PPIL2: variants seen among roughly 807,000 people sequenced by gnomAD.
The protein encoded by PPIL2 is peptidylprolyl isomerase like 2, also known as RING-type E3 ubiquitin-protein ligase PPIL2.
A neutral mutation model predicts 75.2 loss-of-function variants in PPIL2; 50 were observed. That is an observed-to-expected ratio of 0.66 (90% CI 0.53 to 0.84). The LOEUF is 0.84. Ranked by LOEUF, PPIL2 falls within the 40% of genes least tolerant of loss-of-function variation. The pLI, the probability that PPIL2 is intolerant of heterozygous loss-of-function variation, is 0.00. For synonymous variants in PPIL2, 245 were observed against 258.8 expected (o/e 0.95, Z 0.51); for missense variants, 590 against 685.0 (o/e 0.86, Z 1.55).
chr22:21,698,834 CA>C (rs2068032955), downstream of PPIL2: 1 of 152,462 alleles, frequency 6.6e-6, no homozygotes, highest in African/African-American at 2.4e-5. Context: ...CTCAGGAGGA[CA>C]GGATGTGCTG....
intron 18 of PPIL2, 60 bp downstream of exon 18, chr22:21,694,877 A>G: frequency 6.3e-7 from 1 of 1,593,742 alleles, no homozygotes; most frequent in Non-Finnish European, 8.6e-7. Context: ...TTCCACCCCA[A>G]GCCTAGCATC....
At chr22:21,687,936 C>G (rs541543558) in intron 13 of PPIL2, 137 bp from the exon 14 acceptor site, 195 of 1,219,668 alleles carry the variant, frequency 1.6e-4, no homozygotes, top group Non-Finnish European at 2.3e-4. Flanking sequence ...AGGGAGGTGG[C>G]TGGGAGGGCC....
At chr22:21,684,593 A>AGACT (rs775601275) in intron 9 of PPIL2, among the ~76,000 whole-genome samples, 160 bp from the exon 10 acceptor site, 15 of 152,032 alleles carry the variant, frequency 9.9e-5, no homozygotes, top group Non-Finnish European at 1.8e-4. Context: ...GGAGACCTTC[A>AGACT]GGCCTGTAGC....
intron 5 of PPIL2, 105 bp downstream of exon 5, chr22:21,672,486 G>T: frequency 8.6e-7 from 1 of 1,166,468 alleles, no homozygotes. Context: ...GGAGAGAACC[G>T]TTCATGGGGC....
intron 1 of PPIL2, 91 bp downstream of exon 1, chr22:21,666,222 T>C: frequency 2.8e-6 from 4 of 1,426,236 alleles, no homozygotes; most frequent in Non-Finnish European, 2.9e-6. Flanking sequence ...CCCTCTCAGC[T>C]ACTCCCCAGA....
In PPIL2 at chr22:21,694,602, G is replaced by C. The variant is rs950998935; in HGVS notation, c.1206G>C (p.Gly402=). Residue 402 remains glycine, a synonymous_variant, in exon 17 of 20, where the codon GGG becomes GGC. Coordinates refer to ENST00000398831, the MANE Select transcript of PPIL2 (RefSeq NM_014337.4). ...KKHTIFGRVV[G]GFDVLTAMEN... is the part of the protein sequence containing the mutation. ...TGTCTCCCTGCTGCAGGGTTGTTGG[G>C]GGCTTTGACGTACTGACAGCCATGG... The C allele has an allele frequency of 6.2e-7, 1 of 1,613,970 alleles. No homozygotes were observed. The highest frequency in any genetic ancestry group is 1.7e-5 in the Admixed American group (1 of 60,002).
chr22:21,688,036 C>CAT (rs2067449891), intron 13 of PPIL2, 37 bp from the exon 14 acceptor site: 2 of 1,614,070 alleles, frequency 1.2e-6, no homozygotes, highest in Non-Finnish European at 8.5e-7. Context: ...CCTCGGGTCT[C>CAT]AGAGTGTGAC....
intron 19 of PPIL2, 101 bp downstream of exon 19, chr22:21,695,171 T>C: frequency 6.9e-7 from 1 of 1,443,038 alleles, no homozygotes; most frequent in South Asian, 1.4e-5. Context: ...CTATGGGCAC[T>C]GGTCCCGGCC....
chr22:21,693,894 A>G (rs747392720), intron 16 of PPIL2, 22 bp downstream of exon 16: 2 of 1,527,606 alleles, frequency 1.3e-6, no homozygotes, highest in East Asian at 2.2e-5. Flanking sequence ...GGCTGTGTGA[A>G]GCCTGGGGGG....
At chr22:21,681,902 C>T (rs1467360101) in intron 7 of PPIL2, among the ~76,000 whole-genome samples, 1 of 152,244 alleles carries the variant, frequency 6.6e-6, no homozygotes, top group African/African-American at 2.4e-5. Context: ...GAAAGCCGAC[C>T]TTTGCGCCGT....
chr22:21,672,431 C>T (rs1375106253), intron 5 of PPIL2, 50 bp downstream of exon 5: 1 of 1,523,272 alleles, frequency 6.6e-7, no homozygotes, highest in Non-Finnish European at 9.1e-7. Context: ...GCTATCCTCT[C>T]ACTTCTCCTT....
chr22:21,666,287 G>T (rs991387053), intron 1 of PPIL2, among the ~76,000 whole-genome samples, 156 bp downstream of exon 1: 1 of 152,084 alleles, frequency 6.6e-6, no homozygotes, highest in Non-Finnish European at 1.5e-5. Context: ...TCCAGTCAGG[G>T]TAATGACCCT....
At chr22:21,674,439 C>T (rs1484960503) in intron 5 of PPIL2, among the ~76,000 whole-genome samples, 1 of 152,238 alleles carries the variant, frequency 6.6e-6, no homozygotes, top group Non-Finnish European at 1.5e-5. Context: ...CCATTCTTAG[C>T]ATTGGAGTGT....
chr22:21,685,151 C>T (rs184038536), intron 10 of PPIL2, among the ~76,000 whole-genome samples: 7 of 152,268 alleles, frequency 4.6e-5, no homozygotes, highest in East Asian at 1.9e-4. Flanking sequence ...CCACACTGGT[C>T]GTTGAAGAAC....
At chr22:21,685,270 CAT>C (rs2067309744) in intron 10 of PPIL2, among the ~76,000 whole-genome samples, 1 of 152,338 alleles carries the variant, frequency 6.6e-6, no homozygotes, top group Non-Finnish European at 1.5e-5. Flanking sequence ...TGAGCGGGCA[CAT>C]GTGGTTCTGT....
intron 9 of PPIL2, among the ~76,000 whole-genome samples, chr22:21,684,232 C>T (rs1427574596): frequency 6.7e-6 from 1 of 149,508 alleles, no homozygotes; most frequent in Non-Finnish European, 1.5e-5. Flanking sequence ...GTGGGTCACG[C>T]CTGTAATCCC....
chr22:21,695,402 C>T lies in PPIL2; in HGVS notation c.1475C>T (p.Ala492Val). The T allele has an allele frequency of 6.2e-7, 1 of 1,607,862 alleles. No individual in the cohort carries two copies. Among genetic ancestry groups the T allele is most frequent in the Admixed American group, 1.7e-5 (1 of 59,228 alleles). The change falls in exon 20 of 20, where the codon GCA becomes GTA. Residue 492 changes from alanine to valine, a missense_variant. Physicochemically the swap from Ala to Val is moderately conservative, Grantham distance 64. Transcript: ENST00000398831. The part of the protein sequence containing the change: ...KYINPAATKR[A>V]AEEEPSTSAT... ...GCTTCTTCTCTTCCCAGGAAGCGAG[C>T]AGCAGAGGAAGAGCCCTCAACCAGT...
At position 21,670,579 on chromosome 22, in the gene PPIL2, A is replaced by G. The variant is rs190115041; in HGVS notation, c.96A>G (p.Thr32=). The change falls in exon 3 of 20, where the codon ACA becomes ACG. Residue 32 remains threonine (T), a synonymous_variant. Coordinates refer to ENST00000398831, the MANE Select transcript of PPIL2 (RefSeq NM_014337.4). ...ATTTTTAAACAGATCTCCCACAAAC[A>G]AATTTTCGTCGTTTACCTTTTGACC... ...YGGKKPDLPQ[T]NFRRLPFDHC... 34 of 1,611,510 alleles carry G rather than the reference A, an allele frequency of 2.1e-5. No homozygotes were observed. The East Asian group carries it at 2.9e-4, about 14-fold the overall frequency.
rs1302366731 is a variant in PPIL2, at chr22:21,696,937, C to T, written c.*1447C>T. On this transcript the variant is annotated 3_prime_UTR_variant, in exon 20 of 20. Transcript: ENST00000398831. ...CTGCCCCTCGTCACCCTGCTGCACA[C>T]CAATCTGTGGCCCTTCATCATGCTA... The T allele has an allele frequency of 6.3e-7, 1 of 1,584,074 alleles. No homozygotes were observed. The highest frequency in any genetic ancestry group is 8.6e-7 in the Non-Finnish European group (1 of 1,165,612).
Sources: gnomAD v4.1 joint callset for allele counts (sites outside exome capture counted in the v4.1 genomes callset) on GRCh38, gnomAD v4.1.1 for gene constraint, MANE v1.5 for transcripts, NCBI Gene and HGNC (gene_info 2026-07-23, HGNC 2026-07-21) for gene names.